The following SYNE1 variants were observed in gnomAD, a reference collection of about 807,000 sequenced individuals.
SYNE1 encodes the protein spectrin repeat containing nuclear envelope protein 1, also known as nesprin-1.
Under a neutral mutation model 1,111.0 loss-of-function variants are expected in SYNE1, and 616 were observed. The ratio of observed to expected loss-of-function variants is 0.55; its 90% CI spans 0.52 to 0.59. The LOEUF (loss-of-function observed/expected upper bound fraction) is 0.59. SYNE1 is among the 20% of genes least tolerant of loss of function. The pLI, the probability that SYNE1 is intolerant of heterozygous loss-of-function variation, is 0.00. For synonymous variants in SYNE1, 3,855 were observed against 3,825.8 expected (o/e 1.01, Z -0.28); for missense variants, 10,006 against 10,417.0 (o/e 0.96, Z 1.72).
chr6:152,180,759 G>A (rs963888291), intron 128 of SYNE1, among the ~76,000 whole-genome samples: 1 of 152,044 alleles, frequency 6.6e-6, no homozygotes, highest in Non-Finnish European at 1.5e-5. Flanking sequence ...AGGGATGGAA[G>A]AATGAGCCTC....
chr6:152,379,337 T>C (rs1190742449), intron 56 of SYNE1, among the ~76,000 whole-genome samples: 1 of 152,118 alleles, frequency 6.6e-6, no homozygotes. Flanking sequence ...GATATTAAGA[T>C]AAATGAGTTT....
chr6:152,277,978 A>C, intron 98 of SYNE1, 111 bp downstream of exon 98: 1 of 1,124,798 alleles, frequency 8.9e-7, no homozygotes, highest in Admixed American at 1.7e-5. Context: ...AAGCAGGTAC[A>C]CACACAAGTA....
At chr6:152,226,227 A>C (rs1338343022) in intron 115 of SYNE1, among the ~76,000 whole-genome samples, 1 of 152,164 alleles carries the variant, frequency 6.6e-6, no homozygotes, top group Non-Finnish European at 1.5e-5. Flanking sequence ...GTTGGTATTC[A>C]AAAAGTTACG....
At position 152,136,673 on chromosome 6, in the gene SYNE1, C is replaced by T. The variant is rs1251175162; in HGVS notation, c.25604G>A (p.Cys8535Tyr). The change falls in exon 141 of 146, where the codon TGC becomes TAC. Residue 8535 changes from cysteine (C) to tyrosine (Y), a missense_variant. Coordinates refer to ENST00000367255, the MANE Select transcript of SYNE1 (RefSeq NM_182961.4). ...SQMNGRWDRV[C>Y]SLLEEWRGLL... ...GCCCCGCCACTCCTCCAGCAGAGAG[C>T]ACACTCGGTCCCAGCGCCCATTCAT... 6.2e-6 allele frequency: 10 copies of T among 1,614,026 alleles called. No individual in the cohort carries two copies. In the African/African-American group the frequency reaches 1.1e-4, roughly 17 times the overall value.
rs147275274 is a variant in SYNE1, at chr6:152,224,465, G to A, written c.21522+29C>T. 0.023 allele frequency: 36,834 copies of A among 1,605,554 alleles called. 497 individuals are homozygous for A. Among genetic ancestry groups the A allele is most frequent in the Non-Finnish European group, 0.027 (31,263 of 1,172,510 alleles). The stretch of plus-strand genomic sequence containing the variant: ...TCAGTTTTCTAAAATTAAAATGAAC[G>A]TTAAGGATGTGTTAAATTAATTCCT... On this transcript the variant is annotated intron_variant, in intron 117 of 145. Coordinates refer to ENST00000367255, the MANE Select transcript of SYNE1 (RefSeq NM_182961.4).
At chr6:152,316,789 T>C (rs1333890262) in intron 87 of SYNE1, 60 bp downstream of exon 87, 1 of 1,599,202 alleles carries the variant, frequency 6.3e-7, no homozygotes, top group Non-Finnish European at 8.6e-7. Flanking sequence ...TGTGTCAGTC[T>C]ACCCAGTTAA....
chr6:152,351,745 C>T (rs188914207), intron 70 of SYNE1, among the ~76,000 whole-genome samples: 7 of 152,284 alleles, frequency 4.6e-5, no homozygotes, highest in East Asian at 1.9e-4. Flanking sequence ...ACCTGGCTCA[C>T]GCATCAGAAA....
chr6:152,566,500 T>C (rs1436719811), intron 3 of SYNE1, among the ~76,000 whole-genome samples: 1 of 151,784 alleles, frequency 6.6e-6, no homozygotes, highest in African/African-American at 2.4e-5. Flanking sequence ...CAGCAAAATA[T>C]AGGTTCAGAG....
intron 10 of SYNE1, among the ~76,000 whole-genome samples, chr6:152,499,424 C>T (rs575676357): frequency 1.3e-5 from 2 of 151,744 alleles, no homozygotes; most frequent in African/African-American, 4.8e-5. Context: ...AAAATGGTAT[C>T]GATAAAATAC....
rs780732856 is a variant in SYNE1, at chr6:152,425,483, G to A, written c.5165C>T (p.Ser1722Leu). 4 of 1,614,118 alleles carry A rather than the reference G, an allele frequency of 2.5e-6. No individual in the cohort carries two copies. Among genetic ancestry groups the A allele is most frequent in the Admixed American group, 1.7e-5 (1 of 60,014 alleles). Residue 1722 changes from serine (S) to leucine (L), a missense_variant, in exon 39 of 146, where the codon TCA becomes TTA. Physicochemically the swap from Ser to Leu is moderately radical, Grantham distance 145. Around this residue, in one of 7 missense-constraint regions of SYNE1, gnomAD observed 1,971 missense variants for 2,084.1 expected, o/e 0.95. Transcript: ENST00000367255. ...FYSKLLQLKE[S>L]LFSVASKDDV... ...ATCTTTGGAGGCTACTGAGAACAAT[G>A]ATTCCTTCAATTGCAAAAGTTTGCT...
chr6:152,415,093 A>G (rs989594862), intron 41 of SYNE1, among the ~76,000 whole-genome samples: 13 of 152,172 alleles, frequency 8.5e-5, no homozygotes, highest in Admixed American at 6.5e-5. Context: ...CCTTGGCATG[A>G]ATGCATTTCA....
chr6:152,339,169 T>A (rs1474248172), intron 75 of SYNE1, 72 bp downstream of exon 75: 1 of 1,586,622 alleles, frequency 6.3e-7, no homozygotes, highest in African/African-American at 1.3e-5. Flanking sequence ...TTTCTTTCAA[T>A]CTCACATGAA....
chr6:152,310,827 A>T lies in SYNE1; in HGVS notation c.16757T>A (p.Met5586Lys). Residue 5586 changes from methionine (M) to lysine (K), a missense_variant, in exon 88 of 146, where the codon ATG becomes AAG. This residue lies in a region of SYNE1 where 4,955 missense variants were observed against 5,017.2 expected (regional missense o/e 0.99). Coordinates refer to ENST00000367255, the MANE Select transcript of SYNE1 (RefSeq NM_182961.4). ...SKEIDSELEA[M>K]TEKLQYLTSV... ...AGTGAGGTACTGTAATTTCTCAGTC[A>T]TTGCTTCCAGCTCACTGTCAATTTC... The T allele has an allele frequency of 1.2e-6, 2 of 1,614,038 alleles. No homozygotes were observed. The highest frequency in any genetic ancestry group is 2.7e-5 in the African/African-American group (2 of 75,008).
At chr6:152,199,384 T>C (rs1167201730) in intron 127 of SYNE1, among the ~76,000 whole-genome samples, 1 of 152,202 alleles carries the variant, frequency 6.6e-6, no homozygotes, top group Non-Finnish European at 1.5e-5. Flanking sequence ...ATACTTATAA[T>C]GTAATAGCTG....
Position 152,236,234 on chromosome 6 carries a change from G to C in SYNE1, c.20269C>G (p.Leu6757Val), listed in dbSNP as rs1171222006. Residue 6757 changes from leucine to valine, a missense_variant, in exon 110 of 146, where the codon CTG (leucine) becomes GTG (valine). Coordinates refer to ENST00000367255, the MANE Select transcript of SYNE1 (RefSeq NM_182961.4). Reference sequence around the variant, plus strand: ...AGATCTGAGCAGCTGATGGATATCAGAAGTCGTTTCCCATCATCTAATACT... The same window carrying C: ...AGATCTGAGCAGCTGATGGATATCACAAGTCGTTTCCCATCATCTAATACT... ...YQVLDDGKRL[L>V]ISISCSDLES... 1 of 1,614,126 alleles carries C rather than the reference G, an allele frequency of 6.2e-7. No homozygotes were observed. Among genetic ancestry groups the C allele is most frequent in the Admixed American group, 1.7e-5 (1 of 60,012 alleles).
At chr6:152,484,996 G>A (rs1286479264) in intron 12 of SYNE1, 24 bp from the exon 13 acceptor site, 2 of 1,606,466 alleles carry the variant, frequency 1.2e-6, no homozygotes, top group Admixed American at 1.7e-5. Flanking sequence ...AACAGCAACA[G>A]TATGGCAATG....
intron 11 of SYNE1, among the ~76,000 whole-genome samples, chr6:152,490,453 C>A (rs2098964298): frequency 6.6e-6 from 1 of 152,142 alleles, no homozygotes; most frequent in South Asian, 2.1e-4. Context: ...GACATTCCAC[C>A]ATTGTGATTT....
chr6:152,607,963 C>G (rs1013465980), intron 3 of SYNE1, among the ~76,000 whole-genome samples: 1 of 152,084 alleles, frequency 6.6e-6, no homozygotes, highest in Non-Finnish European at 1.5e-5. Flanking sequence ...TGTTGTCACT[C>G]ATAAGTGGGA....
In SYNE1 at chr6:152,450,643, C is replaced by G. The variant is rs2098640244; in HGVS notation, c.3377G>C (p.Trp1126Ser). Residue 1126 changes from tryptophan to serine, a missense_variant, in exon 27 of 146, where the codon TGG (tryptophan) becomes TCG (serine). Trp to Ser is a radical substitution (Grantham distance 177). This residue lies in a region of SYNE1 where 1,971 missense variants were observed against 2,084.1 expected (regional missense o/e 0.95). Transcript: ENST00000367255. ...AGGCTACCTGCTAGTGTAGTCCTTC[C>G]ACTTGTCTGGGTCTTCCATGAGCTT... The part of the protein sequence containing the change: ...YRKLMEDPDK[W>S]KDYTSRFSEF... 1.2e-6 allele frequency: 2 copies of G among 1,614,032 alleles called. No individual in the cohort carries two copies. The highest frequency in any genetic ancestry group is 2.2e-5 in the East Asian group (1 of 44,900).
Sources: gnomAD v4.1 joint callset for allele counts (sites outside exome capture counted in the v4.1 genomes callset) on GRCh38, gnomAD v4.1.1 for gene constraint, gnomAD v4.1.1 regional missense constraint, MANE v1.5 for transcripts, NCBI Gene and HGNC (gene_info 2026-07-23, HGNC 2026-07-21) for gene names.